HAVCR2: variants seen among roughly 807,000 people sequenced by gnomAD.
HAVCR2 encodes the protein hepatitis A virus cellular receptor 2, also known as T cell immunoglobulin mucin 3.
HAVCR2 carries 13 observed loss-of-function variants against 24.7 expected under a neutral mutation model. The observed-to-expected ratio is 0.53, with a 90% confidence interval of 0.34 to 0.84. The LOEUF (loss-of-function observed/expected upper bound fraction) is 0.84, where lower values mean the gene tolerates loss of function less well. Among genes scored for constraint, HAVCR2 ranks in the 40% least tolerant of loss-of-function variants. HAVCR2 has a pLI of 0.01. For synonymous variants in HAVCR2, 154 were observed against 143.4 expected (o/e 1.07, Z -0.53); for missense variants, 343 against 371.2 (o/e 0.92, Z 0.62).
At chr5:157,097,369 C>A (rs1315325216) in intron 4 of HAVCR2, among the ~76,000 whole-genome samples, 1 of 151,696 alleles carries the variant, frequency 6.6e-6, no homozygotes, top group African/African-American at 2.4e-5. Flanking sequence ...ATCCTCCTGC[C>A]TCAGCCTCCC....
intron 5 of HAVCR2, among the ~76,000 whole-genome samples, chr5:157,094,121 C>G (rs1365381073): frequency 6.6e-6 from 1 of 150,726 alleles, no homozygotes; most frequent in Non-Finnish European, 1.5e-5. Flanking sequence ...CTCACTGCAG[C>G]CTCCTGAGCT....
intron 5 of HAVCR2, among the ~76,000 whole-genome samples, chr5:157,091,876 G>A (rs1410815270): frequency 6.6e-6 from 1 of 152,122 alleles, no homozygotes; most frequent in East Asian, 1.9e-4. Context: ...AAAGATGGAA[G>A]ATTGTGGGGC....
intron 3 of HAVCR2, among the ~76,000 whole-genome samples, chr5:157,103,374 TAA>T (rs10600273): frequency 4.0e-4 from 59 of 147,504 alleles, no homozygotes; most frequent in East Asian, 1.4e-3. Context: ...CCGTCTCAAT[TAA>T]AAAAAAAAAA....
At position 157,104,708 on chromosome 5, in the gene HAVCR2, C is replaced by A; in HGVS notation, c.436G>T (p.Ala146Ser). ...GTGGTAAGCATCCTTGGAAAGGCTG[C>A]AGTGAAGTCTCTCTGCCGAGTCGGT... ...PAPTRQRDFT[A>S]AFPRMLTTRG... The change falls in exon 3 of 7, where the codon GCA becomes TCA. Residue 146 changes from alanine to serine, a missense_variant. Transcript: ENST00000307851. 6.2e-7 allele frequency: 1 copy of A among 1,605,122 alleles called. No individual in the cohort carries two copies. The highest frequency in any genetic ancestry group is 8.5e-7 in the Non-Finnish European group (1 of 1,175,282).
chr5:157,102,930 G>A lies in HAVCR2; in HGVS notation c.478+1736C>T, dbSNP rs1281180149. Among the ~76,000 whole-genome samples, 23 of 48,744 alleles carry A rather than the reference G, an allele frequency of 4.7e-4. 1 individual carries two copies. Among genetic ancestry groups the A allele is most frequent in the South Asian group, 2.8e-3 (2 of 712 alleles). 32.0% of individuals were successfully genotyped at this position (48,744 alleles called of 152,430 possible). A position where few individuals can be genotyped will look rare whatever the true frequency, so the allele number is the denominator to read the frequency against. ...AGCCTGGGTGAGAGAGTGAGACTCC[G>A]TCTCAAAAAAAAAAAAAAAGGAAAG... is the stretch of plus-strand genomic sequence containing the variant. On this transcript the variant is annotated intron_variant, in intron 3 of 6. Coordinates refer to ENST00000307851, the MANE Select transcript of HAVCR2 (RefSeq NM_032782.5).
At position 157,086,484 on chromosome 5, in the gene HAVCR2, T is replaced by G. The variant is rs1756914236; in HGVS notation, c.*618A>C. ...CAACATGGTGAAACCCTGTCTCTAC[T>G]AAAAATACAACAAATTAGCTGGGCA... is the stretch of plus-strand genomic sequence containing the variant. On this transcript the variant is annotated 3_prime_UTR_variant, in exon 7 of 7. Transcript: ENST00000307851. 2 of 152,274 alleles carry G rather than the reference T, an allele frequency of 1.3e-5. No homozygotes were observed. 9.4% of individuals were successfully genotyped at this position (152,274 alleles called of 1,614,324 possible).
In HAVCR2 at chr5:157,092,913, A is replaced by AAAAAAAAAAAAAAAAAAAAAAAAT. The variant is rs1561619880; in HGVS notation, c.676+2392_676+2393insATTTTTTTTTTTTTTTTTTTTTTT. Among the ~76,000 whole-genome samples the AAAAAAAAAAAAAAAAAAAAAAAAT allele has an allele frequency of 7.3e-5, 9 of 122,970 alleles. 2 individuals carry two copies. Among genetic ancestry groups the AAAAAAAAAAAAAAAAAAAAAAAAT allele is most frequent in the African/African-American group, 2.8e-4 (9 of 32,210 alleles). The allele number at this position is 122,970 out of a possible 152,430, so 80.7% of individuals were successfully genotyped here. ...AAAAAAAAAAAAAAAAAAAAAAAAA[A>AAAAAAAAAAAAAAAAAAAAAAAAT]AAAAACTAGCCAGGTGTGGTGGCAT... is the stretch of plus-strand genomic sequence containing the variant. On this transcript the variant is annotated intron_variant, in intron 5 of 6. Coordinates refer to ENST00000307851, the MANE Select transcript of HAVCR2 (RefSeq NM_032782.5).
intron 5 of HAVCR2, among the ~76,000 whole-genome samples, chr5:157,090,125 T>TTC (rs1756975792): frequency 1.8e-5 from 2 of 112,338 alleles, no homozygotes; most frequent in African/African-American, 6.7e-5. Flanking sequence ...TTCTTTTCTT[T>TTC]TTTTTTTTTT....
At chr5:157,095,484 A>G in intron 4 of HAVCR2, 25 bp from the exon 5 acceptor site, 1 of 1,613,100 alleles carries the variant, frequency 6.2e-7, no homozygotes, top group Non-Finnish European at 8.5e-7. Flanking sequence ...ACAGGATTTA[A>G]GCAGAAAACA....
At chr5:157,104,564 C>A in intron 3 of HAVCR2, 102 bp downstream of exon 3, 1 of 741,238 alleles carries the variant, frequency 1.3e-6, no homozygotes. Flanking sequence ...GATATCCATG[C>A]CTCCACTCTC....
In HAVCR2 at chr5:157,095,357, T is replaced by A; in HGVS notation, c.625A>T (p.Ile209Phe). The A allele has an allele frequency of 6.2e-7, 1 of 1,614,146 alleles. No individual in the cohort carries two copies. The highest frequency in any genetic ancestry group is 8.5e-7 in the Non-Finnish European group (1 of 1,180,022). ...AGAGCCAGAGCCAGCCCAGCACAGA[T>A]CCCTGCTCCGATGTAGATGCCTATT... The part of the protein sequence containing the change: ...IRIGIYIGAG[I>F]CAGLALALIF... Residue 209 changes from isoleucine (I) to phenylalanine (F), a missense_variant, in exon 5 of 7, where the codon ATC becomes TTC. By Grantham distance (21) the Ile-to-Phe change is conservative. Transcript: ENST00000307851.
At chr5:157,103,808 C>CTA (rs1325539202) in intron 3 of HAVCR2, among the ~76,000 whole-genome samples, 2 of 152,208 alleles carry the variant, frequency 1.3e-5, no homozygotes, top group East Asian at 3.8e-4. Context: ...GGTCACAGAG[C>CTA]TATCAAGAAC....
At chr5:157,089,187 ATAT>A (rs1458294845) in intron 5 of HAVCR2, among the ~76,000 whole-genome samples, 3 of 152,220 alleles carry the variant, frequency 2.0e-5, no homozygotes, top group Non-Finnish European at 2.9e-5. Context: ...TATTTAACAA[ATAT>A]TATGAGACCT....
chr5:157,095,289 G>A lies in HAVCR2; in HGVS notation c.676+17C>T, dbSNP rs746889903. 2 of 1,611,904 alleles carry A rather than the reference G, an allele frequency of 1.2e-6. No individual in the cohort carries two copies. Among genetic ancestry groups the A allele is most frequent in the Admixed American group, 1.7e-5 (1 of 59,472 alleles). ...AAGAATTTGTTATCAGAGGGAGAGA[G>A]AAACAAAAACACTTACATTTGAAAA... On this transcript the variant is annotated intron_variant, in intron 5 of 6. Transcript: ENST00000307851.
chr5:157,090,098 T>A (rs1450815019), intron 5 of HAVCR2, among the ~76,000 whole-genome samples: 3 of 149,792 alleles, frequency 2.0e-5, no homozygotes. Flanking sequence ...ATTTGAAACT[T>A]AAAATTTTCC....
At chr5:157,094,838 G>A (rs1383887609) in intron 5 of HAVCR2, among the ~76,000 whole-genome samples, 1 of 152,184 alleles carries the variant, frequency 6.6e-6, no homozygotes, top group Non-Finnish European at 1.5e-5. Flanking sequence ...TGCCAGAGAG[G>A]TATGCCTGAG....
In HAVCR2 at chr5:157,100,501, A is replaced by G. The variant is rs1757152498; in HGVS notation, c.479-1600T>C. ...TCTAGGCACAGGGGACAGAGCAGGA[A>G]ACAAGAGGGGCACAGGCCCTGACCT... On this transcript the variant is annotated intron_variant, in intron 3 of 6. Transcript: ENST00000307851. 4.6e-5 allele frequency among the ~76,000 whole-genome samples: 7 copies of G among 152,322 alleles called. No homozygotes were observed. The South Asian group carries it at 1.5e-3, about 32-fold the overall frequency.
intron 5 of HAVCR2, among the ~76,000 whole-genome samples, chr5:157,092,878 CAAAAAAAAAAAAAAAAAAAAAAAAAAAA>C (rs556443053): frequency 2.0e-4 from 9 of 44,044 alleles, no homozygotes; most frequent in African/African-American, 7.4e-4. Flanking sequence ...CTGTCTCTAC[CAAAAAAAAAAAAAAAAAAAAAAAAAAAA>C]AAAAAAAAAA....
Position 157,095,385 on chromosome 5 carries a change from G to C in HAVCR2, c.597C>G (p.Ile199Met). ...CTGCTCCGATGTAGATGCCTATTCT[G>C]ATGGTTGCTCCAGAGTCCCGTAAGT... ...ANDLRDSGAT[I>M]RIGIYIGAGI... is the part of the protein sequence containing the mutation. Residue 199 changes from isoleucine (I) to methionine (M), a missense_variant, in exon 5 of 7, where the codon ATC (isoleucine) becomes ATG (methionine). Coordinates refer to ENST00000307851, the MANE Select transcript of HAVCR2 (RefSeq NM_032782.5). 6.2e-7 allele frequency: 1 copy of C among 1,614,148 alleles called. No homozygotes were observed. The highest frequency in any genetic ancestry group is 1.3e-5 in the African/African-American group (1 of 75,032).
Sources: gnomAD v4.1 joint callset for allele counts (sites outside exome capture counted in the v4.1 genomes callset) on GRCh38, gnomAD v4.1.1 for gene constraint, MANE v1.5 for transcripts, NCBI Gene and HGNC (gene_info 2026-07-23, HGNC 2026-07-21) for gene names.